The following RBM43 variants were observed in gnomAD, a reference collection of about 807,000 sequenced individuals.
RBM43 encodes the protein RNA binding motif protein 43, also known as RNA-binding protein 43.
RBM43 carries 12 observed loss-of-function variants against 12.4 expected under a neutral mutation model. The ratio of observed to expected loss-of-function variants is 0.97; its 90% CI spans 0.62 to 1.57. The LOEUF is 1.57. RBM43 is among the 40% of genes most tolerant of loss of function. The probability of loss-of-function intolerance (pLI) is 0.00; values close to 1 mark genes in which losing one functional copy is unlikely to be tolerated. For missense variants in RBM43, 348 were observed against 400.1 expected (o/e 0.87, Z 1.11); for synonymous variants, 138 against 145.7 (o/e 0.95, Z 0.38).
In RBM43 at chr2:151,248,679, G is replaced by A. The variant is rs1221287442; in HGVS notation, c.*2227C>T. Reference sequence around the variant, plus strand: ...AAGAAAAACAGACTAAATGATCCCTGTAATGTTTGAATATGTTACTAGCTG... The same window carrying A: ...AAGAAAAACAGACTAAATGATCCCTATAATGTTTGAATATGTTACTAGCTG... On this transcript the variant is annotated 3_prime_UTR_variant, in exon 4 of 4. Coordinates refer to ENST00000331426, the MANE Select transcript of RBM43 (RefSeq NM_198557.3). 6.6e-6 allele frequency: 1 copy of A among 152,104 alleles called. No homozygotes were observed. Among genetic ancestry groups the A allele is most frequent in the Non-Finnish European group, 1.5e-5 (1 of 68,028 alleles). The allele number at this position is 152,104 out of a possible 1,614,324, so 9.4% of individuals were successfully genotyped here. A position where few individuals can be genotyped will look rare whatever the true frequency, so the allele number is the denominator to read the frequency against.
rs1325717448 is a variant in RBM43 at position 151,248,124 on chromosome 2, T to C, written c.*2782A>G. On this transcript the variant is annotated 3_prime_UTR_variant, in exon 4 of 4. Transcript: ENST00000331426. ...TAAATCAAATTTGGGATAAAGCAGT[T>C]TGAGTCACTCACCAGTGCACTAAAT... The C allele has an allele frequency of 2.0e-5, 3 of 152,132 alleles. No individual in the cohort carries two copies. The highest frequency in any genetic ancestry group is 7.2e-5 in the African/African-American group (3 of 41,432). 9.4% of individuals were successfully genotyped at this position (152,132 alleles called of 1,614,324 possible).
intron 1 of RBM43, among the ~76,000 whole-genome samples, chr2:151,258,382 T>C: frequency 6.9e-6 from 1 of 145,680 alleles, no homozygotes. Context: ...ATTATTTTAC[T>C]TTAAAAAAAA....
rs565123103 is a variant in RBM43 at position 151,255,554 on chromosome 2, C to T, written c.193G>A (p.Val65Ile). Residue 65 changes from valine to isoleucine, a missense_variant, in exon 2 of 4, where the codon GTA (valine) becomes ATA (isoleucine). By Grantham distance (29) the Val-to-Ile change is conservative. Transcript: ENST00000331426. ...ATACCTTTTTTTTCTTTGAATATTA[C>T]ATATGCAACTCCCTTGGTTCTTGTC... is the stretch of plus-strand genomic sequence containing the variant. ...YPTRTKGVAYVIFKEKKVAEN... is the reference protein window; with the variant it reads ...YPTRTKGVAYIIFKEKKVAEN... 55 of 1,610,448 alleles carry T rather than the reference C, an allele frequency of 3.4e-5. No homozygotes were observed. Among genetic ancestry groups the T allele is most frequent in the Non-Finnish European group, 4.3e-5 (51 of 1,177,296 alleles).
intron 1 of RBM43, among the ~76,000 whole-genome samples, chr2:151,260,163 T>C (rs1255830903): frequency 6.6e-6 from 1 of 151,600 alleles, no homozygotes; most frequent in Non-Finnish European, 1.5e-5. Context: ...CCTCGCTCTG[T>C]TGCCCAGGCT....
intron 2 of RBM43, among the ~76,000 whole-genome samples, chr2:151,254,600 G>A (rs1040673205): frequency 6.6e-6 from 1 of 152,154 alleles, no homozygotes; most frequent in Non-Finnish European, 1.5e-5. Flanking sequence ...CTGGCATGGA[G>A]ACTTGTTTTT....
Position 151,261,810 on chromosome 2 carries a change from C to T in RBM43, c.-83G>A. 5.4e-6 allele frequency: 8 copies of T among 1,477,230 alleles called. No individual in the cohort carries two copies. Among genetic ancestry groups the T allele is most frequent in the Non-Finnish European group, 6.3e-6 (7 of 1,111,318 alleles). 91.5% of individuals were successfully genotyped at this position (1,477,230 alleles called of 1,614,324 possible). Reference sequence around the variant, plus strand: ...GGCGATGGGGAGAGGAGCGAGCAGGCAGGTTTTGGTTTCGTTTTTTGTTCC... The same window carrying T: ...GGCGATGGGGAGAGGAGCGAGCAGGTAGGTTTTGGTTTCGTTTTTTGTTCC... On this transcript the variant is annotated 5_prime_UTR_variant, in exon 1 of 4. Coordinates refer to ENST00000331426, the MANE Select transcript of RBM43 (RefSeq NM_198557.3).
In RBM43 at chr2:151,251,607, G is replaced by C; in HGVS notation, c.373C>G (p.Leu125Val). 3.1e-6 allele frequency: 5 copies of C among 1,613,200 alleles called. No individual in the cohort carries two copies. Among genetic ancestry groups the C allele is most frequent in the South Asian group, 1.1e-5 (1 of 90,862 alleles). Residue 125 changes from leucine to valine, a missense_variant, in exon 4 of 4, where the codon CTA becomes GTA. Transcript: ENST00000331426. ...DLSVFGKEVT[L>V]ETLVKDLKKK... ...TTCAGGTCTTTTACCAGAGTTTCTA[G>C]AGTAACTTCTTTTCCAAAAACAGAA...
At chr2:151,261,269 G>T (rs189739228) in intron 1 of RBM43, 1 of 1,550,280 alleles carries the variant, frequency 6.5e-7, no homozygotes, top group African/African-American at 1.4e-5. Context: ...GTTCTTATTA[G>T]CCCTTTTCAA....
intron 1 of RBM43, chr2:151,261,429 T>G (rs1325156282): frequency 6.5e-7 from 1 of 1,550,352 alleles, no homozygotes; most frequent in Non-Finnish European, 8.7e-7. Flanking sequence ...GTGTGGGAGG[T>G]GACAGCCTAG....
At position 151,251,679 on chromosome 2, in the gene RBM43, A is replaced by T; in HGVS notation, c.316-15T>A. Reference sequence around the variant, plus strand: ...GAGCTGAAGATCTGAAATTAAAAAGAGAGAAATGAAAACAGTACTGCCTAG... The same window carrying T: ...GAGCTGAAGATCTGAAATTAAAAAGTGAGAAATGAAAACAGTACTGCCTAG... On this transcript the variant is annotated splice_polypyrimidine_tract_variant and intron_variant, in intron 3 of 3. Transcript: ENST00000331426. The T allele has an allele frequency of 6.3e-7, 1 of 1,597,824 alleles. No homozygotes were observed. The highest frequency in any genetic ancestry group is 8.5e-7 in the Non-Finnish European group (1 of 1,174,532).
chr2:151,261,222 G>A (rs1683041245), intron 1 of RBM43: 1 of 1,529,612 alleles, frequency 6.5e-7, no homozygotes, highest in Non-Finnish European at 8.8e-7. Context: ...CATAAGACAT[G>A]AGGATGTCTT....
At chr2:151,257,011 C>A (rs1363057961) in intron 1 of RBM43, among the ~76,000 whole-genome samples, 1 of 152,152 alleles carries the variant, frequency 6.6e-6, no homozygotes, top group Admixed American at 6.6e-5. Context: ...TCTCTTTGAA[C>A]TTATATTATC....
chr2:151,252,993 C>T, intron 2 of RBM43, 138 bp from the exon 3 acceptor site: 1 of 540,220 alleles, frequency 1.9e-6, no homozygotes, highest in South Asian at 2.8e-5. Flanking sequence ...ACATTCAAAT[C>T]ACTTTTTTGT....
At chr2:151,253,830 C>T (rs1303306224) in intron 2 of RBM43, among the ~76,000 whole-genome samples, 4 of 152,128 alleles carry the variant, frequency 2.6e-5, no homozygotes, top group Non-Finnish European at 2.9e-5. Context: ...GCCACACAGG[C>T]CTCCTTGCTG....
At chr2:151,258,583 G>C (rs1450097726) in intron 1 of RBM43, among the ~76,000 whole-genome samples, 4 of 152,026 alleles carry the variant, frequency 2.6e-5, no homozygotes, top group African/African-American at 9.6e-5. Context: ...TATAGTCCCA[G>C]CTAGCTACTC....
chr2:151,261,239 T>A (rs1683041450), intron 1 of RBM43: 2 of 1,541,502 alleles, frequency 1.3e-6, no homozygotes, highest in Non-Finnish European at 1.8e-6. Flanking sequence ...TCTTCCTGAC[T>A]TGCGTCCTTG....
rs75383991 is a variant in RBM43, at chr2:151,260,113, C to A, written c.3+1612G>T. Among the ~76,000 whole-genome samples the A allele has an allele frequency of 4.6e-4, 70 of 151,474 alleles. 1 individual carries two copies. The highest frequency in any genetic ancestry group is 1.6e-3 in the African/African-American group (67 of 41,318). ...ACTCCTGACCTCGTGATCCGCTCCC[C>A]CCTCGGCCTCTCGAAGTCTTTTTTT... On this transcript the variant is annotated intron_variant, in intron 1 of 3. Coordinates refer to ENST00000331426, the MANE Select transcript of RBM43 (RefSeq NM_198557.3).
At chr2:151,257,691 C>T (rs574869449) in intron 1 of RBM43, among the ~76,000 whole-genome samples, 59 of 151,874 alleles carry the variant, frequency 3.9e-4, no homozygotes, top group African/African-American at 1.4e-3. Flanking sequence ...GAAACTCCTT[C>T]ACAAAAAAAA....
At chr2:151,257,982 T>C (rs1480327237) in intron 1 of RBM43, among the ~76,000 whole-genome samples, 1 of 151,696 alleles carries the variant, frequency 6.6e-6, no homozygotes, top group African/African-American at 2.4e-5. Context: ...GGCAAGAGAA[T>C]AGCTTAAACC....
Sources: gnomAD v4.1 joint callset for allele counts (sites outside exome capture counted in the v4.1 genomes callset) on GRCh38, gnomAD v4.1.1 for gene constraint, MANE v1.5 for transcripts, NCBI Gene and HGNC (gene_info 2026-07-23, HGNC 2026-07-21) for gene names.